UBR3: variants seen among roughly 807,000 people sequenced by gnomAD.
UBR3 encodes ubiquitin protein ligase E3 component n-recognin 3.
A neutral mutation model predicts 243.2 loss-of-function variants in UBR3; 85 were observed. The observed-to-expected ratio is 0.35, with a 90% confidence interval of 0.29 to 0.42. The LOEUF (loss-of-function observed/expected upper bound fraction) is 0.42. UBR3 is among the 10% of genes least tolerant of loss of function. UBR3 has a pLI of 1.00. For missense variants in UBR3, 1,686 were observed against 2,300.8 expected (o/e 0.73, Z 5.47); for synonymous variants, 748 against 799.8 (o/e 0.94, Z 1.09).
At chr2:169,993,855 T>G (rs1289522156) in intron 25 of UBR3, among the ~76,000 whole-genome samples, 1 of 152,226 alleles carries the variant, frequency 6.6e-6, no homozygotes, top group Non-Finnish European at 1.5e-5. Flanking sequence ...ACTCCAGGTC[T>G]TTATAAATCT....
chr2:169,902,829 C>T (rs545988272), intron 8 of UBR3, among the ~76,000 whole-genome samples: 166 of 152,236 alleles, frequency 1.1e-3, no homozygotes, highest in Non-Finnish European at 2.0e-3. Context: ...AGGCTGGTCT[C>T]GAACTCCTGA....
At chr2:169,893,056 A>T (rs2084435387) in intron 6 of UBR3, among the ~76,000 whole-genome samples, 1 of 152,350 alleles carries the variant, frequency 6.6e-6, no homozygotes, top group East Asian at 1.9e-4. Context: ...AAAGATAGTC[A>T]AACATAACTA....
Position 169,955,226 on chromosome 2 carries a change from C to T in UBR3, c.3546-3212C>T, listed in dbSNP as rs150491031. Among the ~76,000 whole-genome samples, 712 of 152,282 alleles carry T rather than the reference C, an allele frequency of 4.7e-3. 2 individuals are homozygous for T. The highest frequency in any genetic ancestry group is 8.1e-3 in the Non-Finnish European group (554 of 68,018). On this transcript the variant is annotated intron_variant, in intron 23 of 38. Coordinates refer to ENST00000272793, the MANE Select transcript of UBR3 (RefSeq NM_172070.4). ...CACAGTCAAATTACCTTTCCCACCC[C>T]ACTTTACAATTAATACGTAATTTGT... is the stretch of plus-strand genomic sequence containing the variant.
At chr2:169,974,641 ACT>A (rs1178370732) in intron 24 of UBR3, among the ~76,000 whole-genome samples, 3 of 151,320 alleles carry the variant, frequency 2.0e-5, no homozygotes, top group East Asian at 3.9e-4. Flanking sequence ...GCATTTTTTA[ACT>A]CTCAATTTTA....
At chr2:169,882,767 T>C (rs2083942800) in intron 5 of UBR3, among the ~76,000 whole-genome samples, 1 of 151,126 alleles carries the variant, frequency 6.6e-6, no homozygotes, top group Admixed American at 6.6e-5. Context: ...AGAAAAGTCA[T>C]GTGATACAAC....
At chr2:169,892,459 T>G (rs952138104) in intron 6 of UBR3, among the ~76,000 whole-genome samples, 3 of 152,230 alleles carry the variant, frequency 2.0e-5, no homozygotes, top group Non-Finnish European at 4.4e-5. Flanking sequence ...ATACTTTTTA[T>G]GCAGACTTAA....
intron 29 of UBR3, chr2:170,014,143 T>G: frequency 5.4e-6 from 1 of 186,594 alleles, no homozygotes; most frequent in South Asian, 1.1e-4. Context: ...AAGCATTCCT[T>G]TAGAAATGGG....
At chr2:169,838,385 ATTTGTGTGTGTGTGTG>A (rs1347047333) in intron 1 of UBR3, among the ~76,000 whole-genome samples, 122 of 131,682 alleles carry the variant, frequency 9.3e-4, no homozygotes, top group South Asian at 6.4e-3. Context: ...AGATTAAGGC[ATTTGTGTGTGTGTGTG>A]TGTGTGTGTG....
At chr2:169,893,087 A>G (rs1410547257) in intron 6 of UBR3, among the ~76,000 whole-genome samples, 2 of 152,204 alleles carry the variant, frequency 1.3e-5, no homozygotes, top group Non-Finnish European at 2.9e-5. Flanking sequence ...TTCTGACTAC[A>G]TTTTCATAAT....
At chr2:169,911,264 A>G (rs1345063386) in intron 10 of UBR3, among the ~76,000 whole-genome samples, 1 of 152,120 alleles carries the variant, frequency 6.6e-6, no homozygotes, top group South Asian at 2.1e-4. Flanking sequence ...TAAGCTGCAA[A>G]ATCTTCATCT....
intron 1 of UBR3, among the ~76,000 whole-genome samples, chr2:169,862,792 T>G (rs2083136136): frequency 6.6e-6 from 1 of 152,172 alleles, no homozygotes; most frequent in African/African-American, 2.4e-5. Context: ...TTGTTAAAAT[T>G]TAGTCAAATA....
intron 23 of UBR3, among the ~76,000 whole-genome samples, chr2:169,950,900 A>G (rs73973162): frequency 0.022 from 3,303 of 152,210 alleles, 109 homozygotes; most frequent in African/African-American, 0.075. Flanking sequence ...GAAAAAAAAA[A>G]AGAGCATGCC....
chr2:170,014,323 G>A (rs1334512698), intron 29 of UBR3: 1 of 150,762 alleles, frequency 6.6e-6, no homozygotes. Flanking sequence ...GAATTCACTT[G>A]CAAAGAGTAA....
At chr2:169,844,129 C>T (rs2082389597) in intron 1 of UBR3, among the ~76,000 whole-genome samples, 2 of 151,858 alleles carry the variant, frequency 1.3e-5, no homozygotes, top group Admixed American at 1.3e-4. Flanking sequence ...GCCTCACCCT[C>T]CCTAGTAGCT....
At position 169,891,235 on chromosome 2, in the gene UBR3, T is replaced by C; in HGVS notation, c.1105+4T>C. 1 of 1,544,756 alleles carries C rather than the reference T, an allele frequency of 6.5e-7. No homozygotes were observed. Among genetic ancestry groups the C allele is most frequent in the Non-Finnish European group, 8.8e-7 (1 of 1,142,570 alleles). ...AAACTAAGCAGTGGCACCAAAGGTA[T>C]TTGTATTTATTATTATTTTTTTCCT... is the stretch of plus-strand genomic sequence containing the variant. On this transcript the variant is annotated splice_donor_region_variant and intron_variant, in intron 6 of 38. Coordinates refer to ENST00000272793, the MANE Select transcript of UBR3 (RefSeq NM_172070.4).
intron 1 of UBR3, among the ~76,000 whole-genome samples, chr2:169,847,062 T>C (rs1035872687): frequency 6.6e-6 from 1 of 150,430 alleles, no homozygotes; most frequent in Non-Finnish European, 1.5e-5. Flanking sequence ...TTTAAACTGT[T>C]GGTGTCTTTT....
At chr2:170,027,054 C>T (rs973233272) in intron 30 of UBR3, among the ~76,000 whole-genome samples, 1 of 151,756 alleles carries the variant, frequency 6.6e-6, no homozygotes, top group African/African-American at 2.4e-5. Context: ...GAGAAGGAAT[C>T]TTGTACTTTT....
At chr2:170,010,082 G>T (rs900318176) in intron 29 of UBR3, among the ~76,000 whole-genome samples, 1 of 152,144 alleles carries the variant, frequency 6.6e-6, no homozygotes, top group African/African-American at 2.4e-5. Flanking sequence ...GGATTTAATG[G>T]ATTGGAAAGT....
At chr2:169,932,740 A>G (rs2086183426) in intron 18 of UBR3, among the ~76,000 whole-genome samples, 172 bp from the exon 19 acceptor site, 2 of 152,214 alleles carry the variant, frequency 1.3e-5, no homozygotes, top group Admixed American at 1.3e-4. Flanking sequence ...TGAAATTGTG[A>G]TTTTTGACTT....
Sources: allele counts gnomAD v4.1 joint callset (sites outside exome capture counted in the v4.1 genomes callset), GRCh38; gene constraint gnomAD v4.1.1; transcripts MANE v1.5; gene names NCBI Gene and HGNC (gene_info 2026-07-23, HGNC 2026-07-21).